Variants in LCORL observed in about 807,000 individuals in gnomAD.
The protein encoded by LCORL is ligand dependent nuclear receptor corepressor like.
LCORL carries 41 observed loss-of-function variants against 141.8 expected under a neutral mutation model. The ratio of observed to expected loss-of-function variants is 0.29; its 90% CI spans 0.23 to 0.38. The LOEUF (loss-of-function observed/expected upper bound fraction) is 0.38. Ranked by LOEUF, LCORL falls within the 10% of genes least tolerant of loss-of-function variation. The pLI is 1.00. For synonymous variants in LCORL, 618 were observed against 694.1 expected, an observed-to-expected ratio of 0.89 and a Z score of 1.72; for missense variants, 1,759 against 2,035.0, an observed-to-expected ratio of 0.86 and a Z score of 2.61.
At chr4:17,916,979 T>TTTTTC (rs1054047436) in intron 4 of LCORL, among the ~76,000 whole-genome samples, 3 of 151,778 alleles carry the variant, frequency 2.0e-5, no homozygotes, top group Non-Finnish European at 2.9e-5. Context: ...GGTATTTCTT[T>TTTTTC]TTTTCTTTTC....
chr4:18,020,865 A>T (rs922373850), intron 1 of LCORL: 1 of 152,204 alleles, frequency 6.6e-6, no homozygotes, highest in African/African-American at 2.4e-5. Flanking sequence ...CCGTGGCAAC[A>T]CCCCCCATCC....
intron 1 of LCORL, among the ~76,000 whole-genome samples, chr4:17,985,268 C>A (rs764909308): frequency 3.3e-5 from 5 of 151,940 alleles, no homozygotes; most frequent in Admixed American, 2.0e-4. Flanking sequence ...TGGAGAGTCC[C>A]GTAGAGGTCT....
chr4:17,928,959 A>G (rs1033422475), intron 4 of LCORL, among the ~76,000 whole-genome samples: 9 of 152,340 alleles, frequency 5.9e-5, no homozygotes, highest in Admixed American at 5.2e-4. Flanking sequence ...AGGTTACAGG[A>G]TACCAAATCA....
In LCORL at chr4:17,884,772, C is replaced by T. The variant is rs1244395542; in HGVS notation, c.776+1296G>A. The stretch of plus-strand genomic sequence containing the variant: ...AGTCTCCTGGATGGATGGAATGAAA[C>T]GATGGTAAACTGATGCATGAGAGAC... On this transcript the variant is annotated intron_variant, in intron 6 of 7. Transcript: ENST00000635767. The surrounding 1 kb of genome is among the most constrained non-coding windows in gnomAD (Gnocchi z 4.4). 7 of 1,318,750 alleles carry T rather than the reference C, an allele frequency of 5.3e-6. No individual in the cohort carries two copies. Among genetic ancestry groups the T allele is most frequent in the Admixed American group, 3.0e-5 (1 of 33,438 alleles). The allele number at this position is 1,318,750 out of a possible 1,614,324, so 81.7% of individuals were successfully genotyped here. A position where few individuals can be genotyped will look rare whatever the true frequency, so the allele number is the denominator to read the frequency against.
intron 4 of LCORL, among the ~76,000 whole-genome samples, chr4:17,938,535 G>A (rs1251596849): frequency 6.6e-6 from 1 of 150,652 alleles, no homozygotes; most frequent in Non-Finnish European, 1.5e-5. Flanking sequence ...TCCTGCGTCA[G>A]CCTCCCGAGT....
At chr4:17,948,163 G>C (rs1560388224) in intron 4 of LCORL, among the ~76,000 whole-genome samples, 1 of 151,928 alleles carries the variant, frequency 6.6e-6, no homozygotes, top group Admixed American at 6.6e-5. Context: ...CTGCATGGTC[G>C]ATAAAAAAAT....
At chr4:17,988,847 T>C (rs1719482654) in intron 1 of LCORL, among the ~76,000 whole-genome samples, 1 of 152,050 alleles carries the variant, frequency 6.6e-6, no homozygotes, top group Non-Finnish European at 1.5e-5. Context: ...CAGCTGGGCA[T>C]GGTGGTGTGC....
intron 1 of LCORL, among the ~76,000 whole-genome samples, chr4:17,982,820 T>C (rs1351774749): frequency 1.3e-5 from 2 of 152,236 alleles, no homozygotes; most frequent in African/African-American, 4.8e-5. Context: ...TTTGGCATCT[T>C]TGTCATGTAA....
In LCORL at chr4:17,897,076, T is replaced by C. The variant is rs865867460; in HGVS notation, c.683-10915A>G. ...ATTCTTTTTTATGGCTGAATAGCAC[T>C]CCATTGTGTATGTGTACCACATTTA... On this transcript the variant is annotated intron_variant, in intron 5 of 7. Coordinates refer to ENST00000635767, the Ensembl canonical transcript of LCORL. 4.6e-5 allele frequency among the ~76,000 whole-genome samples: 7 copies of C among 152,194 alleles called. No individual in the cohort carries two copies. In the South Asian group the frequency reaches 8.3e-4, roughly 18 times the overall value.
At chr4:17,872,630 G>A (rs1726485470) in intron 7 of LCORL, among the ~76,000 whole-genome samples, 1 of 152,010 alleles carries the variant, frequency 6.6e-6, no homozygotes, top group South Asian at 2.1e-4. Context: ...TGTTTGCTAA[G>A]GTAATTCTGG....
chr4:17,962,716 G>T (rs1242927006), intron 3 of LCORL, among the ~76,000 whole-genome samples: 1 of 151,760 alleles, frequency 6.6e-6, no homozygotes, highest in Non-Finnish European at 1.5e-5. Flanking sequence ...TAATGAGTCA[G>T]GGTAAGTAAG....
chr4:17,926,070 T>C (rs537161537), intron 4 of LCORL, among the ~76,000 whole-genome samples: 3 of 152,296 alleles, frequency 2.0e-5, no homozygotes, highest in Admixed American at 1.3e-4. Context: ...GTATGAAGGA[T>C]AGCTGTATTA....
intron 5 of LCORL, chr4:17,893,647 C>G (rs1293607349): frequency 1.0e-6 from 1 of 955,886 alleles, no homozygotes; most frequent in East Asian, 1.2e-4. Flanking sequence ...TCTAGTTTTG[C>G]TACAGTAGGT....
chr4:17,989,476 G>A (rs78933708), intron 1 of LCORL, among the ~76,000 whole-genome samples: 2 of 152,078 alleles, frequency 1.3e-5, no homozygotes, highest in Non-Finnish European at 2.9e-5. Flanking sequence ...TACTCAGTTC[G>A]AGAAAGTAAT....
chr4:17,875,953 T>C, exon 7 of LCORL: 1 of 1,231,264 alleles, frequency 8.1e-7, no homozygotes, highest in Non-Finnish European at 1.0e-6. Flanking sequence ...GAGTTCGCAT[T>C]TGAGATATCC....
intron 4 of LCORL, among the ~76,000 whole-genome samples, chr4:17,953,195 T>C (rs1711823171): frequency 6.6e-6 from 1 of 152,238 alleles, no homozygotes; most frequent in Non-Finnish European, 1.5e-5. Flanking sequence ...TGAATAGTCC[T>C]GCAATGAACA....
Position 18,021,537 on chromosome 4 carries a change from C to A in LCORL, c.154+61G>T. 1 of 1,443,682 alleles carries A rather than the reference C, an allele frequency of 6.9e-7. No homozygotes were observed. Among genetic ancestry groups the A allele is most frequent in the Non-Finnish European group, 9.3e-7 (1 of 1,076,872 alleles). The allele number at this position is 1,443,682 out of a possible 1,614,324, so 89.4% of individuals were successfully genotyped here. ...CAACTAAACCCCTCAGCCACAAACT[C>A]CTCGGGCTGCGACAGCGGTCGCCGC... On this transcript the variant is annotated intron_variant, in intron 1 of 7. Coordinates refer to ENST00000635767, the Ensembl canonical transcript of LCORL. This position sits in a 1 kb window ranked among gnomAD's most constrained non-coding sequence, Gnocchi z 5.5.
chr4:17,846,708 T>C (rs1577227687), intron 7 of LCORL, among the ~76,000 whole-genome samples: 1 of 152,206 alleles, frequency 6.6e-6, no homozygotes, highest in Non-Finnish European at 1.5e-5. Flanking sequence ...TGGTGTCTTA[T>C]TCCACAAGTT....
intron 4 of LCORL, among the ~76,000 whole-genome samples, chr4:17,953,935 G>A (rs375167675): frequency 5.9e-5 from 9 of 152,026 alleles, no homozygotes; most frequent in East Asian, 1.9e-4. Flanking sequence ...AGGCCGAAGC[G>A]GGCAGATCAC....
Sources: gnomAD v4.1 joint callset for allele counts (sites outside exome capture counted in the v4.1 genomes callset) on GRCh38, gnomAD v4.1.1 for gene constraint, Gnocchi (gnomAD v3.1) non-coding constraint, MANE v1.5 for transcripts, NCBI Gene and HGNC (gene_info 2026-07-23, HGNC 2026-07-21) for gene names.